Variants in ROPN1 observed in about 807,000 individuals in gnomAD.
ROPN1 encodes the protein rhophilin associated tail protein 1, also known as ropporin-1A.
ROPN1 carries 14 observed loss-of-function variants against 20.5 expected under a neutral mutation model. The ratio of observed to expected loss-of-function variants is 0.68; its 90% CI spans 0.45 to 1.07. The LOEUF is 1.07. ROPN1 is among the 50% of genes least tolerant of loss of function. ROPN1 has a pLI of 0.00. For synonymous variants in ROPN1, 76 were observed against 95.7 expected (o/e 0.79, Z 1.20); for missense variants, 169 against 242.8 (o/e 0.70, Z 2.02).
intron 5 of ROPN1, among the ~76,000 whole-genome samples, chr3:123,969,440 C>G (rs2037869805): frequency 6.6e-6 from 1 of 152,120 alleles, no homozygotes; most frequent in African/African-American, 2.4e-5. Context: ...TGGGCTCAAG[C>G]TATTCTCCCA....
At chr3:123,985,992 C>CAAAAAAAAAAAAAAAAAAAAAA (rs35677015) in intron 1 of ROPN1, among the ~76,000 whole-genome samples, 9 of 22,138 alleles carry the variant, frequency 4.1e-4, no homozygotes, top group African/African-American at 8.2e-4. Context: ...GACCTTGTCT[C>CAAAAAAAAAAAAAAAAAAAAAA]AAAAAAAAAA....
chr3:123,972,216 A>C (rs541944512), intron 4 of ROPN1, among the ~76,000 whole-genome samples: 2 of 152,348 alleles, frequency 1.3e-5, no homozygotes, highest in African/African-American at 4.8e-5. Context: ...CAAACCTTCA[A>C]ATTCTACTGC....
chr3:123,988,377 G>A (rs1269566186), intron 1 of ROPN1, among the ~76,000 whole-genome samples: 1 of 152,076 alleles, frequency 6.6e-6, no homozygotes, highest in African/African-American at 2.4e-5. Context: ...AGGTCAGAAG[G>A]ACAATCAGAA....
intron 1 of ROPN1, among the ~76,000 whole-genome samples, chr3:123,987,281 G>C (rs542286360): frequency 6.6e-6 from 1 of 152,222 alleles, no homozygotes; most frequent in Non-Finnish European, 1.5e-5. Flanking sequence ...TTCCCCCAGA[G>C]CTGTTGTGGT....
Position 123,976,938 on chromosome 3 carries a change from C to T in ROPN1, c.160G>A (p.Glu54Lys), listed in dbSNP as rs1339667143. The change falls in exon 3 of 6, where the codon GAG becomes AAG. Residue 54 changes from glutamate (E) to lysine (K), a missense_variant. By Grantham distance (56) the Glu-to-Lys change is moderately conservative (BLOSUM62 1). Around this residue, in one of 3 missense-constraint regions of ROPN1, gnomAD observed 84 missense variants for 99.3 expected, o/e 0.85. Transcript: ENST00000405845. ...LSRGETPPVR[E>K]RSERVALCNR... ...CACAAAGCGACTCGCTCAGACCGCT[C>T]TCTCACCGGAGGCGTCTCTCCACGG... The T allele has an allele frequency of 1.2e-6, 2 of 1,614,186 alleles. No homozygotes were observed. The highest frequency in any genetic ancestry group is 1.7e-6 in the Non-Finnish European group (2 of 1,180,032).
At chr3:123,988,916 A>G (rs2038333100) in intron 1 of ROPN1, among the ~76,000 whole-genome samples, 2 of 151,230 alleles carry the variant, frequency 1.3e-5, no homozygotes, top group African/African-American at 4.9e-5. Context: ...GAACAGAAGA[A>G]AAACAGAAGA....
At chr3:123,969,317 G>A (rs1487874988) in intron 5 of ROPN1, 96 bp from the exon 6 acceptor site, 1 of 1,038,464 alleles carries the variant, frequency 9.6e-7, no homozygotes, top group African/African-American at 1.6e-5. Flanking sequence ...TAATTCTGCT[G>A]TTGCTCCTTT....
intron 1 of ROPN1, 33 bp from the exon 2 acceptor site, chr3:123,980,526 A>C (rs1408215206): frequency 1.2e-6 from 2 of 1,600,440 alleles, no homozygotes; most frequent in Non-Finnish European, 1.7e-6. Context: ...CGTTAAGATG[A>C]AAACTTCGAT....
At chr3:123,986,435 T>C (rs1478895344) in intron 1 of ROPN1, among the ~76,000 whole-genome samples, 1 of 152,122 alleles carries the variant, frequency 6.6e-6, no homozygotes, top group Admixed American at 6.5e-5. Flanking sequence ...GGAGACTGTG[T>C]GTGCTGTTGC....
At chr3:123,990,362 G>C (rs188777688) in intron 1 of ROPN1, among the ~76,000 whole-genome samples, 46 of 152,342 alleles carry the variant, frequency 3.0e-4, no homozygotes, top group Non-Finnish European at 5.4e-4. Flanking sequence ...GAAAAGTCTA[G>C]AGTGACTATC....
chr3:123,985,426 A>G (rs894701542), intron 1 of ROPN1, among the ~76,000 whole-genome samples: 15 of 152,144 alleles, frequency 9.9e-5, no homozygotes, highest in Non-Finnish European at 7.4e-5. Flanking sequence ...ATTTTCTCCT[A>G]ACAAAGAAGT....
intron 1 of ROPN1, among the ~76,000 whole-genome samples, chr3:123,981,744 C>A (rs2038153984): frequency 6.6e-6 from 1 of 152,118 alleles, no homozygotes; most frequent in South Asian, 2.1e-4. Flanking sequence ...GTTGGTGGGA[C>A]TTCATGACCT....
At chr3:123,969,613 T>C (rs73184292) in intron 5 of ROPN1, among the ~76,000 whole-genome samples, 4,891 of 152,302 alleles carry the variant, frequency 0.032, 100 homozygotes, top group Non-Finnish European at 0.048. Flanking sequence ...GCCCTCTTTT[T>C]CTTTTAACCT....
chr3:123,988,145 T>G (rs1325492679), intron 1 of ROPN1, among the ~76,000 whole-genome samples: 1 of 149,644 alleles, frequency 6.7e-6, no homozygotes, highest in Non-Finnish European at 1.5e-5. Context: ...TACTTGTCCT[T>G]CCTACATTTT....
chr3:123,990,577 AG>A (rs1269878663), intron 1 of ROPN1, among the ~76,000 whole-genome samples: 1 of 152,238 alleles, frequency 6.6e-6, no homozygotes, highest in Non-Finnish European at 1.5e-5. Flanking sequence ...TTGGGCAATA[AG>A]GGTCATTTGT....
At chr3:123,978,275 G>T (rs7615780) in intron 2 of ROPN1, among the ~76,000 whole-genome samples, 151,609 of 151,804 alleles carry the variant, frequency 1, 75,707 homozygotes, top group Middle Eastern at 1. Flanking sequence ...GGTGGGCGGG[G>T]TGTGGGTGCA....
At chr3:123,969,561 A>G (rs1250165220) in intron 5 of ROPN1, among the ~76,000 whole-genome samples, 1 of 152,192 alleles carries the variant, frequency 6.6e-6, no homozygotes, top group African/African-American at 2.4e-5. Flanking sequence ...AGCTAAAGCC[A>G]TCCACCCACC....
At chr3:123,987,964 G>T (rs1482138977) in intron 1 of ROPN1, among the ~76,000 whole-genome samples, 2 of 152,226 alleles carry the variant, frequency 1.3e-5, no homozygotes, top group Admixed American at 6.5e-5. Flanking sequence ...GGGACACATG[G>T]CTCATTTACA....
chr3:123,971,508 C>A (rs552423025), intron 4 of ROPN1, among the ~76,000 whole-genome samples: 1 of 152,158 alleles, frequency 6.6e-6, no homozygotes, highest in African/African-American at 2.4e-5. Flanking sequence ...CTCTCCTCTG[C>A]CCCTGGGGGT....
Sources: gnomAD v4.1 joint callset for allele counts (sites outside exome capture counted in the v4.1 genomes callset) on GRCh38, gnomAD v4.1.1 for gene constraint, gnomAD v4.1.1 regional missense constraint, MANE v1.5 for transcripts, NCBI Gene and HGNC (gene_info 2026-07-23, HGNC 2026-07-21) for gene names.